The following B3GALT1 variants were observed in gnomAD, a reference collection of about 807,000 sequenced individuals.
B3GALT1 encodes the protein UDP-Gal:betaGlcNAc beta 1,3-galactosyltransferase, polypeptide 1.
B3GALT1 carries 10 observed loss-of-function variants against 23.2 expected under a neutral mutation model. The observed-to-expected ratio is 0.43, with a 90% CI of 0.27 to 0.73. The LOEUF (loss-of-function observed/expected upper bound fraction) is 0.73, where lower values mean the gene tolerates loss of function less well. Ranked by LOEUF, B3GALT1 falls within the 30% of genes least tolerant of loss-of-function variation. B3GALT1 has a pLI of 0.21. For synonymous variants in B3GALT1, 156 were observed against 141.5 expected, an observed-to-expected ratio of 1.10 and a Z score of -0.73; for missense variants, 299 against 405.4, an observed-to-expected ratio of 0.74 and a Z score of 2.25.
At chr2:167,296,210 C>T (rs1295244619) in intron 1 of B3GALT1, among the ~76,000 whole-genome samples, 1 of 152,068 alleles carries the variant, frequency 6.6e-6, no homozygotes, top group African/African-American at 2.4e-5. Context: ...TAATACTCAT[C>T]GGATAACTTT....
chr2:167,394,416 C>T (rs1403598665), intron 1 of B3GALT1, among the ~76,000 whole-genome samples: 1 of 152,122 alleles, frequency 6.6e-6, no homozygotes, highest in Non-Finnish European at 1.5e-5. Flanking sequence ...ACACAATGTA[C>T]TGTGCTGTAT....
intron 1 of B3GALT1, among the ~76,000 whole-genome samples, chr2:167,429,762 T>C (rs1258536427): frequency 6.6e-6 from 1 of 152,176 alleles, no homozygotes; most frequent in Non-Finnish European, 1.5e-5. Context: ...TTCTGAAGAA[T>C]AAAAGTACCA....
intron 3 of B3GALT1, among the ~76,000 whole-genome samples, chr2:167,666,468 G>T (rs183274462): frequency 6.6e-6 from 1 of 151,896 alleles, no homozygotes; most frequent in African/African-American, 2.4e-5. Flanking sequence ...TGTTAGGTCC[G>T]CTTGGTGCAG....
intron 1 of B3GALT1, among the ~76,000 whole-genome samples, chr2:167,331,233 C>A (rs1161359020): frequency 6.6e-6 from 1 of 152,300 alleles, no homozygotes; most frequent in East Asian, 1.9e-4. Flanking sequence ...CTAATGATCA[C>A]AGCGGGCTGA....
intron 3 of B3GALT1, among the ~76,000 whole-genome samples, chr2:167,817,136 C>G (rs1689010150): frequency 6.6e-6 from 1 of 152,188 alleles, no homozygotes; most frequent in Admixed American, 6.5e-5. Context: ...AAGCAGCTGT[C>G]TAGGCTGAGT....
intron 1 of B3GALT1, among the ~76,000 whole-genome samples, chr2:167,349,446 G>A (rs1574043217): frequency 6.6e-6 from 1 of 152,250 alleles, no homozygotes; most frequent in East Asian, 1.9e-4. Flanking sequence ...TATGCCAAAA[G>A]AGGCCGTAAA....
At chr2:167,768,210 G>T (rs868827780) in intron 3 of B3GALT1, among the ~76,000 whole-genome samples, 1 of 152,180 alleles carries the variant, frequency 6.6e-6, no homozygotes, top group Admixed American at 6.5e-5. Context: ...CCTTGGTCCA[G>T]TCAAGTGGAC....
intron 1 of B3GALT1, among the ~76,000 whole-genome samples, chr2:167,333,535 G>T (rs1697009730): frequency 6.6e-6 from 1 of 152,186 alleles, no homozygotes; most frequent in African/African-American, 2.4e-5. Flanking sequence ...GCTTCCTCAT[G>T]CTCACATAGC....
intron 4 of B3GALT1, among the ~76,000 whole-genome samples, chr2:167,829,950 A>G (rs1241179564): frequency 2.0e-5 from 3 of 152,212 alleles, no homozygotes; most frequent in African/African-American, 4.8e-5. Context: ...GGCTGACTAC[A>G]AGTAACCACA....
intron 1 of B3GALT1, among the ~76,000 whole-genome samples, chr2:167,466,520 T>G (rs1574091400): frequency 1.4e-5 from 2 of 145,760 alleles, no homozygotes; most frequent in Non-Finnish European, 3.0e-5. Context: ...CTTGGGAGGC[T>G]GAGGCAGGAG....
chr2:167,523,370 C>T (rs529130136), intron 2 of B3GALT1, among the ~76,000 whole-genome samples: 1 of 151,950 alleles, frequency 6.6e-6, no homozygotes, highest in South Asian at 2.1e-4. Flanking sequence ...CACACATTCC[C>T]ATCACCCATT....
At chr2:167,363,285 T>C (rs375494119) in intron 1 of B3GALT1, among the ~76,000 whole-genome samples, 84 of 152,100 alleles carry the variant, frequency 5.5e-4, no homozygotes, top group African/African-American at 1.8e-3. Flanking sequence ...GCCCTTAATA[T>C]TTTGTGATAA....
At chr2:167,540,626 C>T (rs1683519079) in intron 2 of B3GALT1, among the ~76,000 whole-genome samples, 1 of 152,182 alleles carries the variant, frequency 6.6e-6, no homozygotes. Context: ...TGTTAAACAA[C>T]TTGTCTCTTT....
chr2:167,508,095 C>T (rs1441750371), intron 2 of B3GALT1, among the ~76,000 whole-genome samples: 1 of 152,074 alleles, frequency 6.6e-6, no homozygotes, highest in Admixed American at 6.6e-5. Flanking sequence ...AGACTCCACT[C>T]TCAGAACTCT....
intron 2 of B3GALT1, among the ~76,000 whole-genome samples, chr2:167,592,606 G>A (rs1039260157): frequency 2.0e-5 from 3 of 152,190 alleles, no homozygotes; most frequent in Non-Finnish European, 2.9e-5. Flanking sequence ...CAGAAATGTT[G>A]CAGAGTCATG....
At chr2:167,663,825 A>T (rs1476057670) in intron 3 of B3GALT1, among the ~76,000 whole-genome samples, 3 of 151,746 alleles carry the variant, frequency 2.0e-5, no homozygotes, top group African/African-American at 7.3e-5. Flanking sequence ...TTTTTCTTGT[A>T]AATTTGTTGG....
At chr2:167,548,474 G>C (rs1363898607) in intron 2 of B3GALT1, among the ~76,000 whole-genome samples, 4 of 152,150 alleles carry the variant, frequency 2.6e-5, no homozygotes, top group African/African-American at 9.7e-5. Context: ...GCCATTTCTA[G>C]GATGTCTTTT....
intron 1 of B3GALT1, among the ~76,000 whole-genome samples, chr2:167,442,900 T>G (rs1698918258): frequency 7.0e-6 from 1 of 142,854 alleles, no homozygotes; most frequent in African/African-American, 2.7e-5. Context: ...TTTGTCAATT[T>G]TGGCTTTTGT....
At chr2:167,540,274 A>G (rs747834057) in intron 2 of B3GALT1, among the ~76,000 whole-genome samples, 12 of 152,220 alleles carry the variant, frequency 7.9e-5, no homozygotes, top group African/African-American at 2.4e-4. Context: ...TCCTACTCCA[A>G]ACTATAGTGC....
Sources: allele counts gnomAD v4.1 joint callset (sites outside exome capture counted in the v4.1 genomes callset), GRCh38; gene constraint gnomAD v4.1.1; transcripts MANE v1.5; gene names NCBI Gene and HGNC (gene_info 2026-07-23, HGNC 2026-07-21).